The following SCRN1 variants were observed in gnomAD, a reference collection of about 807,000 sequenced individuals.
The protein encoded by SCRN1 is secernin-1.
In SCRN1, 19 loss-of-function variants were observed where a neutral mutation model predicts 43.3. The observed-to-expected ratio is 0.44, with a 90% CI of 0.31 to 0.64. The LOEUF (loss-of-function observed/expected upper bound fraction) is 0.64. Among genes scored for constraint, SCRN1 ranks in the 30% least tolerant of loss-of-function variants. The probability of loss-of-function intolerance (pLI) is 0.09; values close to 1 mark genes in which losing one functional copy is unlikely to be tolerated. For synonymous variants in SCRN1, 183 were observed against 188.9 expected (o/e 0.97, Z 0.26); for missense variants, 447 against 524.1 (o/e 0.85, Z 1.44).
intron 1 of SCRN1, among the ~76,000 whole-genome samples, chr7:29,987,097 C>T (rs2127935599): frequency 6.6e-6 from 1 of 152,058 alleles, no homozygotes; most frequent in South Asian, 2.1e-4. Context: ...TCATATTTAG[C>T]TCCTATCTGT....
At chr7:29,964,737 G>C (rs1178537231) in intron 2 of SCRN1, among the ~76,000 whole-genome samples, 3 of 152,048 alleles carry the variant, frequency 2.0e-5, no homozygotes, top group African/African-American at 7.2e-5. Context: ...GAGGTCAGGA[G>C]TTCAAGACAG....
At position 29,924,130 on chromosome 7, in the gene SCRN1, G is replaced by A. The variant is rs749231099; in HGVS notation, c.1087-15C>T. 9.3e-6 allele frequency: 15 copies of A among 1,605,742 alleles called. 1 individual carries two copies. The highest frequency in any genetic ancestry group is 1.9e-4 in the Middle Eastern group (1 of 5,334). On this transcript the variant is annotated splice_polypyrimidine_tract_variant and intron_variant, in intron 7 of 7. Transcript: ENST00000242059. ...CGACCTTGCTCCTGAGGAAGGACAC[G>A]ACTGCTTTAGGTGTCAGCAAAATAG...
chr7:29,959,103 C>T (rs1226036842), intron 2 of SCRN1, among the ~76,000 whole-genome samples: 1 of 152,206 alleles, frequency 6.6e-6, no homozygotes, highest in Non-Finnish European at 1.5e-5. Context: ...CACATTCCAG[C>T]ACACACTATT....
At chr7:29,930,609 C>T (rs1305478316) in intron 6 of SCRN1, among the ~76,000 whole-genome samples, 2 of 152,196 alleles carry the variant, frequency 1.3e-5, no homozygotes, top group Non-Finnish European at 2.9e-5. Context: ...GGGACGCCCC[C>T]GAGTGTCCCG....
At chr7:29,949,022 AG>A (rs1787826598) in intron 3 of SCRN1, among the ~76,000 whole-genome samples, 1 of 152,186 alleles carries the variant, frequency 6.6e-6, no homozygotes, top group Admixed American at 6.5e-5. Context: ...TTGGATTATA[AG>A]TGGCACCCTA....
chr7:29,989,814 C>A (rs888036708), upstream of SCRN1: 1 of 985,506 alleles, frequency 1.0e-6, no homozygotes, highest in African/African-American at 1.8e-5. Flanking sequence ...GGCGCTGGGG[C>A]CCGCCGCCCC....
intron 1 of SCRN1, among the ~76,000 whole-genome samples, chr7:29,983,726 T>C (rs1388498262): frequency 6.6e-6 from 1 of 152,246 alleles, no homozygotes; most frequent in African/African-American, 2.4e-5. Context: ...TGCATGGAAT[T>C]AAACTATATT....
At chr7:29,951,846 T>C (rs1305694192) in intron 3 of SCRN1, among the ~76,000 whole-genome samples, 1 of 152,258 alleles carries the variant, frequency 6.6e-6, no homozygotes. Context: ...CATTCCCTTA[T>C]GTCTCTTTGA....
At chr7:29,963,829 A>T (rs1788405446) in intron 2 of SCRN1, among the ~76,000 whole-genome samples, 1 of 152,222 alleles carries the variant, frequency 6.6e-6, no homozygotes, top group South Asian at 2.1e-4. Flanking sequence ...AAATAAGGAC[A>T]ATCTCTATAG....
chr7:29,960,703 T>TACACACACACACATCC (rs1000236999), intron 2 of SCRN1, among the ~76,000 whole-genome samples: 1 of 151,610 alleles, frequency 6.6e-6, no homozygotes, highest in African/African-American at 2.4e-5. Context: ...CATGCATGCA[T>TACACACACACACATCC]ACACACACAC....
At chr7:29,988,320 C>T (rs1395866507) in intron 1 of SCRN1, among the ~76,000 whole-genome samples, 1 of 152,164 alleles carries the variant, frequency 6.6e-6, no homozygotes, top group African/African-American at 2.4e-5. Flanking sequence ...TCATACAAAA[C>T]CGTAGAGTTT....
chr7:29,924,226 C>A, intron 7 of SCRN1, 111 bp from the exon 8 acceptor site: 1 of 1,028,030 alleles, frequency 9.7e-7, no homozygotes, highest in Non-Finnish European at 1.4e-6. Context: ...GTCCTGTCCT[C>A]CCCACACTCC....
At chr7:29,963,968 G>C (rs1209253108) in intron 2 of SCRN1, among the ~76,000 whole-genome samples, 1 of 152,114 alleles carries the variant, frequency 6.6e-6, no homozygotes, top group Non-Finnish European at 1.5e-5. Context: ...CAAAACAATA[G>C]AAAATAAGGC....
Position 29,950,006 on chromosome 7 carries a change from G to C in SCRN1, c.341+5173C>G, listed in dbSNP as rs1787866642. Among the ~76,000 whole-genome samples, 1 of 152,196 alleles carries C rather than the reference G, an allele frequency of 6.6e-6. No homozygotes were observed. The highest frequency in any genetic ancestry group is 1.5e-5 in the Non-Finnish European group (1 of 68,034). On this transcript the variant is annotated intron_variant, in intron 3 of 7. Coordinates refer to ENST00000242059, the MANE Select transcript of SCRN1 (RefSeq NM_014766.5). This position sits in a 1 kb window ranked among gnomAD's most constrained non-coding sequence, Gnocchi z 4.5. ...GATGCCGGCTGCAACAGGGAGGCAG[G>C]GTCTGGGTTGCGTGCTTTGCGAGGC...
At chr7:29,951,648 A>G (rs1162327479) in intron 3 of SCRN1, among the ~76,000 whole-genome samples, 3 of 152,214 alleles carry the variant, frequency 2.0e-5, no homozygotes, top group Non-Finnish European at 4.4e-5. Flanking sequence ...CTTCCTCAGG[A>G]GAAAGGGACT....
At chr7:29,957,523 G>A (rs1788173166) in intron 2 of SCRN1, among the ~76,000 whole-genome samples, 1 of 152,212 alleles carries the variant, frequency 6.6e-6, no homozygotes, top group African/African-American at 2.4e-5. Context: ...CCCCCAGCTA[G>A]AGTGTAAGCC....
chr7:29,985,579 C>T (rs911804511), intron 1 of SCRN1, among the ~76,000 whole-genome samples: 2 of 152,000 alleles, frequency 1.3e-5, no homozygotes, highest in Non-Finnish European at 2.9e-5. Context: ...GATATGGGAA[C>T]ACAGATGTGT....
chr7:29,989,306 G>A (rs1470034821), intron 1 of SCRN1: 1 of 153,142 alleles, frequency 6.5e-6, no homozygotes, highest in African/African-American at 2.4e-5. Context: ...CATCCCAGTG[G>A]GCAGCAGGTT....
At chr7:29,968,773 T>A (rs1332311555) in intron 2 of SCRN1, 136 bp downstream of exon 2, 1 of 1,086,554 alleles carries the variant, frequency 9.2e-7, no homozygotes, top group Non-Finnish European at 1.3e-6. Flanking sequence ...CAAACCTGCA[T>A]GGAAACAGGA....
Sources: gnomAD v4.1 joint callset for allele counts (sites outside exome capture counted in the v4.1 genomes callset) on GRCh38, gnomAD v4.1.1 for gene constraint, Gnocchi (gnomAD v3.1) non-coding constraint, MANE v1.5 for transcripts, NCBI Gene and HGNC (gene_info 2026-07-23, HGNC 2026-07-21) for gene names.